ABI1: variants seen among roughly 807,000 people sequenced by gnomAD.
The protein encoded by ABI1 is Abelson interactor 1.
Under a neutral mutation model 54.6 loss-of-function variants are expected in ABI1, and 14 were observed. The ratio of observed to expected loss-of-function variants is 0.26; its 90% CI spans 0.17 to 0.40. ABI1 has a LOEUF of 0.40. ABI1 is among the 10% of genes least tolerant of loss of function. ABI1 has a pLI of 1.00. For synonymous variants in ABI1, 194 were observed against 209.3 expected, an observed-to-expected ratio of 0.93 and a Z score of 0.63; for missense variants, 443 against 598.3, an observed-to-expected ratio of 0.74 and a Z score of 2.71.
chr10:26,850,019 C>G (rs1005270192), intron 1 of ABI1, among the ~76,000 whole-genome samples: 4 of 152,182 alleles, frequency 2.6e-5, no homozygotes, highest in African/African-American at 9.7e-5. Flanking sequence ...CAAAGAAAAT[C>G]ATCCACAATT....
chr10:26,748,789 C>A, intron 10 of ABI1, 44 bp from the exon 11 acceptor site: 1 of 1,384,232 alleles, frequency 7.2e-7, no homozygotes, highest in Non-Finnish European at 1.0e-6. Context: ...GCACTATATC[C>A]AAAATTTACT....
chr10:26,818,631 C>CAAA lies in ABI1; in HGVS notation c.285+4504_285+4506dup, dbSNP rs376157276. 5.7e-3 allele frequency among the ~76,000 whole-genome samples: 420 copies of CAAA among 73,074 alleles called. 4 individuals are homozygous for CAAA. Among genetic ancestry groups the CAAA allele is most frequent in the Admixed American group, 7.6e-3 (48 of 6,344 alleles). 47.9% of individuals were successfully genotyped at this position (73,074 alleles called of 152,430 possible). A position where few individuals can be genotyped will look rare whatever the true frequency, so the allele number is the denominator to read the frequency against. On this transcript the variant is annotated intron_variant, in intron 2 of 10. Transcript: ENST00000376140. Reference sequence around the variant, plus strand: ...TGGACAACAAAGCGAGACCCCGTCACAAAAAAAAAAAAAAAAAAGAGCAAA... The same window carrying CAAA: ...TGGACAACAAAGCGAGACCCCGTCACAAAAAAAAAAAAAAAAAAAAAGAGCAAA...
rs555243979 is a variant in ABI1, at chr10:26,837,599, T to C, written c.118-14294A>G. 7.2e-5 allele frequency among the ~76,000 whole-genome samples: 11 copies of C among 152,270 alleles called. 1 individual carries two copies. The highest frequency in any genetic ancestry group is 1.9e-4 in the East Asian group (1 of 5,182). On this transcript the variant is annotated intron_variant, in intron 1 of 10. Transcript: ENST00000376140. ...GTTAACAGTTACATATAATTAGTAT[T>C]TAATTTTCTTTTTCTGGTGTTTTTG...
chr10:26,841,948 C>CA (rs34812655), intron 1 of ABI1, among the ~76,000 whole-genome samples: 38,800 of 151,938 alleles, frequency 0.26, 5,597 homozygotes, highest in South Asian at 0.44. Flanking sequence ...GGTATATGCC[C>CA]GATAAGGAAT....
intron 2 of ABI1, among the ~76,000 whole-genome samples, chr10:26,805,757 G>A (rs557168702): frequency 6.6e-6 from 1 of 152,330 alleles, no homozygotes; most frequent in African/African-American, 2.4e-5. Flanking sequence ...CAGGAAGACT[G>A]ATGCTTATTT....
intron 7 of ABI1, among the ~76,000 whole-genome samples, chr10:26,761,077 G>A (rs1839088765): frequency 6.6e-6 from 1 of 151,872 alleles, no homozygotes; most frequent in Admixed American, 6.6e-5. Flanking sequence ...TGAGTAGCTG[G>A]GGATATAGGA....
chr10:26,831,916 A>G (rs1330833641), intron 1 of ABI1, among the ~76,000 whole-genome samples: 1 of 152,206 alleles, frequency 6.6e-6, no homozygotes, highest in East Asian at 1.9e-4. Context: ...ATTTTCTTCC[A>G]AGCTGCCAAC....
At chr10:26,783,095 T>A (rs772977601) in intron 2 of ABI1, among the ~76,000 whole-genome samples, 2 of 152,220 alleles carry the variant, frequency 1.3e-5, no homozygotes, top group Non-Finnish European at 2.9e-5. Context: ...AAATGTGATA[T>A]ATACATACAA....
At chr10:26,756,422 T>C (rs531847143) in intron 8 of ABI1, among the ~76,000 whole-genome samples, 120 of 152,260 alleles carry the variant, frequency 7.9e-4, no homozygotes, top group African/African-American at 2.9e-3. Flanking sequence ...TGTTAATCAG[T>C]CAGAGTTTCA....
intron 3 of ABI1, among the ~76,000 whole-genome samples, chr10:26,772,830 T>C (rs948340756): frequency 6.6e-6 from 1 of 151,874 alleles, no homozygotes; most frequent in Non-Finnish European, 1.5e-5. Context: ...CCCAACACTT[T>C]GGGAGGCCAA....
intron 1 of ABI1, among the ~76,000 whole-genome samples, chr10:26,854,451 A>C: frequency 7.9e-6 from 1 of 126,574 alleles, no homozygotes; most frequent in African/African-American, 3.7e-5. Context: ...GTGTGAAAGA[A>C]GAAAAAAAAA....
chr10:26,747,749 A>G lies in ABI1; in HGVS notation c.*821T>C, dbSNP rs1384292086. 2 of 196,438 alleles carry G rather than the reference A, an allele frequency of 1.0e-5. No individual in the cohort carries two copies. Among genetic ancestry groups the G allele is most frequent in the Non-Finnish European group, 2.1e-5 (2 of 94,908 alleles). The allele number at this position is 196,438 out of a possible 1,614,324, so 12.2% of individuals were successfully genotyped here. A position where few individuals can be genotyped will look rare whatever the true frequency, so the allele number is the denominator to read the frequency against. On this transcript the variant is annotated 3_prime_UTR_variant, in exon 11 of 11. Coordinates refer to ENST00000376140, the MANE Select transcript of ABI1 (RefSeq NM_001012750.3). ...AAAAATCCGTCACATTGCTGTTGGG[A>G]CAGATTAAGATAAGGCTAAAATTTT...
At chr10:26,827,474 G>A (rs923682249) in intron 1 of ABI1, among the ~76,000 whole-genome samples, 9 of 151,140 alleles carry the variant, frequency 6.0e-5, no homozygotes, top group African/African-American at 1.2e-4. Flanking sequence ...ATCCACCTCC[G>A]CCTCCCAAAA....
chr10:26,821,472 G>C (rs2047980067), intron 2 of ABI1, among the ~76,000 whole-genome samples: 1 of 152,058 alleles, frequency 6.6e-6, no homozygotes, highest in South Asian at 2.1e-4. Context: ...TGAGCAATGT[G>C]AAATTATTAT....
intron 1 of ABI1, among the ~76,000 whole-genome samples, chr10:26,828,537 A>G (rs934450873): frequency 6.6e-6 from 1 of 152,196 alleles, no homozygotes; most frequent in African/African-American, 2.4e-5. Flanking sequence ...CACAATTATA[A>G]AATAAAATTT....
intron 2 of ABI1, among the ~76,000 whole-genome samples, chr10:26,820,697 C>T (rs1433937010): frequency 6.6e-6 from 1 of 151,128 alleles, no homozygotes; most frequent in Non-Finnish European, 1.5e-5. Flanking sequence ...AAGTAATTTG[C>T]CTCAGCCTCC....
intron 2 of ABI1, among the ~76,000 whole-genome samples, chr10:26,811,806 TGC>T: frequency 6.6e-6 from 1 of 151,296 alleles, no homozygotes; most frequent in Non-Finnish European, 1.5e-5. Context: ...TATAAATTTA[TGC>T]AAAGATTTGT....
chr10:26,768,785 T>G, intron 6 of ABI1, 67 bp downstream of exon 6: 1 of 1,434,798 alleles, frequency 7.0e-7, no homozygotes, highest in Non-Finnish European at 9.5e-7. Context: ...AGCACCTCCA[T>G]AGGAGTTTGT....
At chr10:26,820,029 G>T in intron 2 of ABI1, among the ~76,000 whole-genome samples, 1 of 152,122 alleles carries the variant, frequency 6.6e-6, no homozygotes, top group Non-Finnish European at 1.5e-5. Flanking sequence ...CAGAGACTAG[G>T]GGGTAAGGGA....
Sources: allele counts gnomAD v4.1 joint callset (sites outside exome capture counted in the v4.1 genomes callset), GRCh38; gene constraint gnomAD v4.1.1; transcripts MANE v1.5; gene names NCBI Gene and HGNC (gene_info 2026-07-23, HGNC 2026-07-21).